The following LYZL4 variants were observed in gnomAD, a reference collection of about 807,000 sequenced individuals.
LYZL4 encodes lysozyme-like protein 4.
A neutral mutation model predicts 17.6 loss-of-function variants in LYZL4; 13 were observed. The observed-to-expected ratio is 0.74, with a 90% CI of 0.48 to 1.18. The LOEUF is 1.18. Ranked by LOEUF, LYZL4 falls within the 50% of genes most tolerant of loss-of-function variation. The pLI, the probability that LYZL4 is intolerant of heterozygous loss-of-function variation, is 0.00. For synonymous variants in LYZL4, 64 were observed against 67.7 expected (o/e 0.95, Z 0.27); for missense variants, 174 against 188.2 (o/e 0.92, Z 0.44).
the LYZL4 span, among the ~76,000 whole-genome samples, chr3:42,386,216 C>T: frequency 6.6e-6 from 1 of 152,042 alleles, no homozygotes; most frequent in Non-Finnish European, 1.5e-5. Flanking sequence ...GATTCTTGTG[C>T]CTCAGCCTCC....
intron 4 of LYZL4, among the ~76,000 whole-genome samples, chr3:42,402,666 GCA>G (rs1312764180): frequency 1.3e-5 from 2 of 152,180 alleles, no homozygotes; most frequent in Admixed American, 6.5e-5. Flanking sequence ...ATTTCTGATG[GCA>G]GTGTACATTG....
the LYZL4 span, among the ~76,000 whole-genome samples, chr3:42,385,128 AT>A: frequency 6.6e-6 from 1 of 152,224 alleles, no homozygotes; most frequent in African/African-American, 2.4e-5. Context: ...CTTTAAAAAA[AT>A]AACCTAATTA....
chr3:42,386,409 C>A, the LYZL4 span, among the ~76,000 whole-genome samples: 21 of 136,746 alleles, frequency 1.5e-4, no homozygotes, highest in East Asian at 1.4e-3. Context: ...CCCCCCCCCC[C>A]CCCGCCTCCC....
the LYZL4 span, among the ~76,000 whole-genome samples, chr3:42,371,445 A>T: frequency 6.6e-6 from 1 of 152,244 alleles, no homozygotes; most frequent in African/African-American, 2.4e-5. Flanking sequence ...AGGAATGAAC[A>T]AATGCCCATC....
the LYZL4 span, among the ~76,000 whole-genome samples, chr3:42,371,674 T>TA: frequency 6.6e-6 from 1 of 152,182 alleles, no homozygotes; most frequent in Non-Finnish European, 1.5e-5. Context: ...TTCTTAATGT[T>TA]ACAGTTGATG....
At chr3:42,407,891 C>A (rs186343833) in intron 1 of LYZL4, among the ~76,000 whole-genome samples, 1 of 152,264 alleles carries the variant, frequency 6.6e-6, no homozygotes, top group Admixed American at 6.5e-5. Flanking sequence ...CGCAATGAGA[C>A]AAGCCCAGAC....
chr3:42,407,950 C>T (rs886623437), intron 1 of LYZL4, among the ~76,000 whole-genome samples: 1 of 152,170 alleles, frequency 6.6e-6, no homozygotes, highest in East Asian at 1.9e-4. Flanking sequence ...CTTTACAGTG[C>T]TTCTGCTTCC....
chr3:42,387,847 T>A, the LYZL4 span, among the ~76,000 whole-genome samples: 3 of 152,030 alleles, frequency 2.0e-5, no homozygotes, highest in Non-Finnish European at 4.4e-5. Context: ...TCTTTTTCCA[T>A]CTCCTCCTGC....
the LYZL4 span, among the ~76,000 whole-genome samples, chr3:42,362,804 C>A: frequency 3.9e-4 from 60 of 152,268 alleles, 1 homozygote; most frequent in East Asian, 0.01. Context: ...TCTACACTGC[C>A]AAAGTATCAC....
chr3:42,380,798 TG>T, the LYZL4 span, among the ~76,000 whole-genome samples: 1 of 152,166 alleles, frequency 6.6e-6, no homozygotes, highest in African/African-American at 2.4e-5. Flanking sequence ...CACACTTCCA[TG>T]GGGGAAGTGT....
chr3:42,388,192 G>A, the LYZL4 span, among the ~76,000 whole-genome samples: 1 of 152,224 alleles, frequency 6.6e-6, no homozygotes, highest in Non-Finnish European at 1.5e-5. Flanking sequence ...AGAATGAAAT[G>A]TGGGCAGTTA....
At chr3:42,405,079 C>T (rs1202183534) in intron 3 of LYZL4, among the ~76,000 whole-genome samples, 2 of 151,954 alleles carry the variant, frequency 1.3e-5, no homozygotes, top group Non-Finnish European at 2.9e-5. Flanking sequence ...GAGGGATTCT[C>T]GCTCTGTCTC....
At chr3:42,403,125 A>G (rs1698686116) in intron 4 of LYZL4, among the ~76,000 whole-genome samples, 1 of 152,258 alleles carries the variant, frequency 6.6e-6, no homozygotes, top group African/African-American at 2.4e-5. Context: ...TTCAAATAAT[A>G]TAACTTGAAT....
the LYZL4 span, among the ~76,000 whole-genome samples, chr3:42,383,155 T>C: frequency 6.6e-6 from 1 of 151,804 alleles, no homozygotes; most frequent in Non-Finnish European, 1.5e-5. Context: ...AGGGCAGGAG[T>C]ATTATACTGA....
the LYZL4 span, among the ~76,000 whole-genome samples, chr3:42,370,227 C>G: frequency 6.6e-6 from 1 of 152,166 alleles, no homozygotes; most frequent in Non-Finnish European, 1.5e-5. Flanking sequence ...AACACTGCCC[C>G]TATTTAGTAG....
chr3:42,378,985 G>A, the LYZL4 span, among the ~76,000 whole-genome samples: 1 of 152,086 alleles, frequency 6.6e-6, no homozygotes, highest in Non-Finnish European at 1.5e-5. Flanking sequence ...CTTAATCTCT[G>A]TGCTGCTGCT....
intron 4 of LYZL4, among the ~76,000 whole-genome samples, chr3:42,398,891 A>G (rs1248113248): frequency 6.6e-6 from 1 of 152,234 alleles, no homozygotes; most frequent in Non-Finnish European, 1.5e-5. Flanking sequence ...TAAAAATACC[A>G]TAAAATCAAA....
downstream of LYZL4, among the ~76,000 whole-genome samples, chr3:42,394,365 G>A (rs247417): frequency 0.24 from 35,763 of 152,016 alleles, 4,635 homozygotes; most frequent in Middle Eastern, 0.3. Context: ...CTCTGTGTGG[G>A]GATATAGGTT....
At chr3:42,395,084 T>A (rs1318660681), downstream of LYZL4, among the ~76,000 whole-genome samples, 1 of 152,218 alleles carries the variant, frequency 6.6e-6, no homozygotes, top group South Asian at 2.1e-4. Flanking sequence ...TAGAATACCC[T>A]CTTCTCTAGA....
Sources: gnomAD v4.1 joint callset for allele counts (sites outside exome capture counted in the v4.1 genomes callset) on GRCh38, gnomAD v4.1.1 for gene constraint, MANE v1.5 for transcripts, NCBI Gene and HGNC (gene_info 2026-07-23, HGNC 2026-07-21) for gene names.